Variants in DOCK4 observed in about 807,000 individuals in gnomAD.
DOCK4 encodes the protein dedicator of cytokinesis protein 4.
DOCK4 carries 97 observed loss-of-function variants against 268.1 expected under a neutral mutation model. That is an observed-to-expected ratio of 0.36 (90% CI 0.31 to 0.43). The LOEUF (loss-of-function observed/expected upper bound fraction) is 0.43. DOCK4 is among the 20% of genes least tolerant of loss of function. The pLI, the probability that DOCK4 is intolerant of heterozygous loss-of-function variation, is 1.00. For synonymous variants in DOCK4, 954 were observed against 887.2 expected, an observed-to-expected ratio of 1.08 and a Z score of -1.34; for missense variants, 2,145 against 2,455.7, an observed-to-expected ratio of 0.87 and a Z score of 2.67.
At chr7:112,002,771 C>T (rs560582584) in intron 2 of DOCK4, among the ~76,000 whole-genome samples, 4 of 152,012 alleles carry the variant, frequency 2.6e-5, no homozygotes, top group Non-Finnish European at 4.4e-5. Flanking sequence ...GCTGGGTGGC[C>T]GGGCATGGTG....
At chr7:111,788,383 T>C (rs1273381618) in intron 32 of DOCK4, 2 of 370,760 alleles carry the variant, frequency 5.4e-6, no homozygotes, top group South Asian at 5.6e-5. Context: ...GGAATGGTTT[T>C]AAAATTATCA....
At chr7:112,050,262 T>A (rs1376042144) in intron 1 of DOCK4, among the ~76,000 whole-genome samples, 2 of 152,112 alleles carry the variant, frequency 1.3e-5, no homozygotes, top group Non-Finnish European at 2.9e-5. Flanking sequence ...TTGTTTGTAT[T>A]TAAGTTTTAA....
At chr7:112,101,449 A>C (rs1020785160) in intron 1 of DOCK4, among the ~76,000 whole-genome samples, 1 of 152,254 alleles carries the variant, frequency 6.6e-6, no homozygotes, top group African/African-American at 2.4e-5. Flanking sequence ...TTATGGCAAA[A>C]GACAAATGGG....
Position 111,739,463 on chromosome 7 carries a change from G to A in DOCK4, c.5055C>T (p.Thr1685=). The change falls in exon 48 of 53, where the codon ACC becomes ACT. Residue 1685 remains threonine (T), a synonymous_variant. Coordinates refer to ENST00000428084, the MANE Select transcript of DOCK4 (RefSeq NM_001363540.2). ...CCGAGTGAGTAGAACTCAAGCTTGA[G>A]GTAGATGGACTTGGCTGGAAACACA... ...EVFNMQPSPS[T]SSLSSTHSAS... 6.4e-7 allele frequency: 1 copy of A among 1,568,634 alleles called. No homozygotes were observed. Among genetic ancestry groups the A allele is most frequent in the Non-Finnish European group, 8.6e-7 (1 of 1,156,818 alleles).
intron 1 of DOCK4, among the ~76,000 whole-genome samples, chr7:112,118,782 G>A (rs1812427053): frequency 1.3e-5 from 2 of 152,176 alleles, no homozygotes; most frequent in Admixed American, 1.3e-4. Context: ...GGAAGCAGGA[G>A]AAACTGTTAG....
intron 39 of DOCK4, among the ~76,000 whole-genome samples, chr7:111,763,585 A>G (rs1797585735): frequency 6.6e-6 from 1 of 152,168 alleles, no homozygotes; most frequent in African/African-American, 2.4e-5. Context: ...AAAACTTTAT[A>G]CTTTTAATTA....
intron 8 of DOCK4, among the ~76,000 whole-genome samples, chr7:111,946,385 CG>C (rs1795623108): frequency 6.6e-6 from 1 of 152,118 alleles, no homozygotes; most frequent in Admixed American, 6.5e-5. Flanking sequence ...CCGGGAGCTG[CG>C]GTGGCTCAGA....
In DOCK4 at chr7:111,761,311, C is replaced by T. The variant is rs563995601; in HGVS notation, c.4021-989G>A. Among the ~76,000 whole-genome samples, 17 of 152,260 alleles carry T rather than the reference C, an allele frequency of 1.1e-4. No individual in the cohort carries two copies. The East Asian group carries it at 1.5e-3, about 14-fold the overall frequency. On this transcript the variant is annotated intron_variant, in intron 39 of 52. Transcript: ENST00000428084. Reference sequence around the variant, plus strand: ...CTGGCCTCAGGTGATCTGCCTGTCTCGGCCTCCCATAGTGCTGGGATTACA... The same window carrying T: ...CTGGCCTCAGGTGATCTGCCTGTCTTGGCCTCCCATAGTGCTGGGATTACA...
intron 11 of DOCK4, 96 bp downstream of exon 11, chr7:111,940,014 T>G (rs1795076358): frequency 3.1e-6 from 4 of 1,293,222 alleles, no homozygotes; most frequent in Middle Eastern, 2.4e-4. Context: ...AACCACCCAT[T>G]GTTCTTCTCT....
intron 6 of DOCK4, among the ~76,000 whole-genome samples, chr7:111,985,894 A>AC (rs1425773804): frequency 1.3e-5 from 2 of 152,248 alleles, no homozygotes; most frequent in Non-Finnish European, 2.9e-5. Flanking sequence ...GTAAGTCAGC[A>AC]TCTGACACTG....
chr7:112,036,256 G>T (rs995473635), intron 1 of DOCK4, among the ~76,000 whole-genome samples: 1 of 151,962 alleles, frequency 6.6e-6, no homozygotes, highest in African/African-American at 2.4e-5. Context: ...ATGAAAATTT[G>T]GATAAACAAG....
intron 32 of DOCK4, among the ~76,000 whole-genome samples, chr7:111,786,064 G>C (rs1799143252): frequency 6.6e-6 from 1 of 152,190 alleles, no homozygotes; most frequent in South Asian, 2.1e-4. Flanking sequence ...TTAATCCAAA[G>C]AGTAGAGTTA....
intron 16 of DOCK4, among the ~76,000 whole-genome samples, chr7:111,877,427 T>C (rs1806994217): frequency 6.6e-6 from 1 of 152,234 alleles, no homozygotes; most frequent in South Asian, 2.1e-4. Context: ...AGTGACCATA[T>C]CAAATCAAAT....
chr7:111,827,882 C>A (rs1166789743), intron 26 of DOCK4, among the ~76,000 whole-genome samples: 1 of 152,100 alleles, frequency 6.6e-6, no homozygotes, highest in Non-Finnish European at 1.5e-5. Flanking sequence ...GGGGCTTGAT[C>A]AGATATAATT....
chr7:111,815,760 C>T (rs941260247), intron 27 of DOCK4, among the ~76,000 whole-genome samples: 5 of 151,648 alleles, frequency 3.3e-5, no homozygotes, highest in African/African-American at 4.9e-5. Flanking sequence ...CAACCTCTGC[C>T]TCCCACATTC....
In DOCK4 at chr7:112,205,439, A is replaced by G. The variant is rs372503786; in HGVS notation, c.37+663T>C. Among the ~76,000 whole-genome samples the G allele has an allele frequency of 1.2e-4, 19 of 152,224 alleles. No individual in the cohort carries two copies. The East Asian group carries it at 1.4e-3, about 11-fold the overall frequency. ...ATACCCGTTCTTCTCCAAAGACCAA[A>G]GAACCGAGCGGCGCAGATGTTGAAA... is the stretch of plus-strand genomic sequence containing the variant. On this transcript the variant is annotated intron_variant, in intron 1 of 52. Transcript: ENST00000428084.
At chr7:112,096,093 T>C (rs143996263) in intron 1 of DOCK4, among the ~76,000 whole-genome samples, 1 of 152,204 alleles carries the variant, frequency 6.6e-6, no homozygotes, top group East Asian at 1.9e-4. Flanking sequence ...CTTTGTCTCG[T>C]AATAAATAAA....
chr7:111,870,083 T>C (rs1806287840), intron 20 of DOCK4, among the ~76,000 whole-genome samples: 1 of 152,148 alleles, frequency 6.6e-6, no homozygotes, highest in African/African-American at 2.4e-5. Context: ...GAAGGAGGGA[T>C]GGAGACAATG....
At chr7:112,066,484 C>T (rs193229078) in intron 1 of DOCK4, among the ~76,000 whole-genome samples, 1 of 139,064 alleles carries the variant, frequency 7.2e-6, no homozygotes, top group African/African-American at 3.1e-5. Context: ...ATATAGCATG[C>T]TTTCTCTCTC....
Sources: gnomAD v4.1 joint callset for allele counts (sites outside exome capture counted in the v4.1 genomes callset) on GRCh38, gnomAD v4.1.1 for gene constraint, MANE v1.5 for transcripts, NCBI Gene and HGNC (gene_info 2026-07-23, HGNC 2026-07-21) for gene names.